Variants in PKHD1L1 observed in about 807,000 individuals in gnomAD.
PKHD1L1 encodes fibrocystin-L.
PKHD1L1 carries 434 observed loss-of-function variants against 462.9 expected under a neutral mutation model. That is an observed-to-expected ratio of 0.94 (90% CI 0.87 to 1.02). PKHD1L1 has a LOEUF of 1.02. PKHD1L1 is among the 50% of genes least tolerant of loss of function. The pLI, the probability that PKHD1L1 is intolerant of heterozygous loss-of-function variation, is 0.00. For synonymous variants in PKHD1L1, 1,781 were observed against 1,750.0 expected, an observed-to-expected ratio of 1.02 and a Z score of -0.44; for missense variants, 5,202 against 5,096.1, an observed-to-expected ratio of 1.02 and a Z score of -0.63.
At chr8:109,390,210 A>G (rs1482678537) in intron 8 of PKHD1L1, among the ~76,000 whole-genome samples, 1 of 152,158 alleles carries the variant, frequency 6.6e-6, no homozygotes, top group African/African-American at 2.4e-5. Context: ...TTCTTCATTC[A>G]TGATCATATT....
rs556103548 is a variant in PKHD1L1, at chr8:109,413,423, A to G, written c.2238A>G (p.Leu746=). Residue 746 remains leucine, a splice_region_variant and synonymous_variant, in exon 21 of 78, where the codon TTA becomes TTG. Coordinates refer to ENST00000378402, the MANE Select transcript of PKHD1L1 (RefSeq NM_177531.6). ...ATGTTTTTCATATTTTTATGTAGTT[A>G]TGTTTAGCATACAAAGGATTCCTGG... ...GDILLFPYNQ[L]CLAYKGFLAN... The G allele has an allele frequency of 3.3e-6, 5 of 1,515,880 alleles. No individual in the cohort carries two copies. Among genetic ancestry groups the G allele is most frequent in the Middle Eastern group, 1.8e-4 (1 of 5,606 alleles). 93.9% of individuals were successfully genotyped at this position (1,515,880 alleles called of 1,614,324 possible).
intron 2 of PKHD1L1, among the ~76,000 whole-genome samples, chr8:109,372,132 A>G (rs1437121054): frequency 2.6e-5 from 4 of 152,334 alleles, no homozygotes; most frequent in African/African-American, 9.6e-5. Context: ...CTTCCTACCC[A>G]TGAACATGGA....
rs915036006 is a variant in PKHD1L1, at chr8:109,532,451, CT to C, written c.*2370del. On this transcript the variant is annotated 3_prime_UTR_variant, in exon 78 of 78. Transcript: ENST00000378402. ...ATATGCTAAGCAAGTTTTATTTTTG[CT>C]TTTTTTTTGCATTTAAATAATATTT... Among the ~76,000 whole-genome samples, 108 of 150,846 alleles carry C rather than the reference CT, an allele frequency of 7.2e-4. No homozygotes were observed. Among genetic ancestry groups the C allele is most frequent in the African/African-American group, 1.1e-3 (46 of 41,132 alleles).
At chr8:109,461,614 C>A (rs1817128651) in intron 47 of PKHD1L1, among the ~76,000 whole-genome samples, 158 bp from the exon 48 acceptor site, 1 of 152,034 alleles carries the variant, frequency 6.6e-6, no homozygotes, top group Non-Finnish European at 1.5e-5. Flanking sequence ...ACCTATCTTG[C>A]TATCTAAAAG....
chr8:109,452,220 T>TA lies in PKHD1L1; in HGVS notation c.6448dup (p.Thr2150AsnfsTer22), dbSNP rs755151872. Reference sequence around the variant, plus strand: ...ACATCATCTGCATGACAGATGCCCATACTCTATCAGGGTGGGCTCCAGTTT... The same window carrying TA: ...ACATCATCTGCATGACAGATGCCCATAACTCTATCAGGGTGGGCTCCAGTTT... On this transcript the variant is annotated frameshift_variant, in exon 42 of 78. Coordinates refer to ENST00000378402, the MANE Select transcript of PKHD1L1 (RefSeq NM_177531.6). LOFTEE classifies it high-confidence loss of function. 1.3e-4 allele frequency: 202 copies of TA among 1,612,630 alleles called. No individual in the cohort carries two copies. The highest frequency in any genetic ancestry group is 1.7e-4 in the Non-Finnish European group (200 of 1,179,282).
chr8:109,368,451 C>T (rs7819141), intron 2 of PKHD1L1, among the ~76,000 whole-genome samples: 46,195 of 152,010 alleles, frequency 0.3, 7,656 homozygotes, highest in Admixed American at 0.44. Context: ...GTTGTGAATA[C>T]TGAAAAGGAT....
At chr8:109,523,504 T>C (rs1820664892) in intron 76 of PKHD1L1, 118 bp downstream of exon 76, 1 of 980,002 alleles carries the variant, frequency 1.0e-6, no homozygotes, top group Non-Finnish European at 1.4e-6. Context: ...GACATCAGAA[T>C]GCTATATTTT....
chr8:109,525,332 T>C (rs1175163599), intron 76 of PKHD1L1, among the ~76,000 whole-genome samples: 1 of 152,228 alleles, frequency 6.6e-6, no homozygotes. Flanking sequence ...AGAATATTAC[T>C]AACAGACACT....
At chr8:109,369,259 G>A (rs1407979092) in intron 2 of PKHD1L1, among the ~76,000 whole-genome samples, 7 of 152,144 alleles carry the variant, frequency 4.6e-5, no homozygotes, top group Non-Finnish European at 1.0e-4. Context: ...TTACAGGCGT[G>A]AGCCACCGCA....
chr8:109,530,095 C>T lies in PKHD1L1; in HGVS notation c.*5C>T. ...CATTTTTCAGGAAGCTACTAAAGTGCTGTTCCGAAGAATAGGCTGAAACAA... is the reference window on the plus strand; with the variant it reads ...CATTTTTCAGGAAGCTACTAAAGTGTTGTTCCGAAGAATAGGCTGAAACAA... On this transcript the variant is annotated 3_prime_UTR_variant, in exon 78 of 78. Coordinates refer to ENST00000378402, the MANE Select transcript of PKHD1L1 (RefSeq NM_177531.6). 7.3e-7 allele frequency: 1 copy of T among 1,361,600 alleles called. No homozygotes were observed. The highest frequency in any genetic ancestry group is 9.6e-7 in the Non-Finnish European group (1 of 1,038,868). 84.3% of individuals were successfully genotyped at this position (1,361,600 alleles called of 1,614,324 possible). A position where few individuals can be genotyped will look rare whatever the true frequency, so the allele number is the denominator to read the frequency against.
Position 109,435,283 on chromosome 8 carries a change from G to T in PKHD1L1, c.3434G>T (p.Gly1145Val), listed in dbSNP as rs142972518. Residue 1145 changes from glycine (G) to valine (V), a missense_variant, in exon 29 of 78, where the codon GGG becomes GTG. By Grantham distance (109) the Gly-to-Val change is moderately radical (BLOSUM62 -3). Around this residue, in one of 3 missense-constraint regions of PKHD1L1, gnomAD observed 4,497 missense variants for 4,336.8 expected, o/e 1.04. Transcript: ENST00000378402. ...MADVGLAQNVGGEEFYFVYQS... is the reference protein window; with the variant it reads ...MADVGLAQNVVGEEFYFVYQS... The stretch of plus-strand genomic sequence containing the variant: ...GATGTTGGACTAGCACAGAATGTAG[G>T]GGGTGAAGAGTTCTACTTTGTTTAT... 6.2e-7 allele frequency: 1 copy of T among 1,613,872 alleles called. No individual in the cohort carries two copies. The highest frequency in any genetic ancestry group is 1.3e-5 in the African/African-American group (1 of 75,012).
intron 9 of PKHD1L1, 102 bp from the exon 10 acceptor site, chr8:109,394,313 T>C (rs913948817): frequency 7.8e-6 from 5 of 643,160 alleles, no homozygotes; most frequent in Non-Finnish European, 1.3e-5. Context: ...AGTTCCATCG[T>C]GCTCTTTTGC....
chr8:109,384,574 T>A (rs538266751), intron 5 of PKHD1L1, among the ~76,000 whole-genome samples: 1 of 152,100 alleles, frequency 6.6e-6, no homozygotes, highest in African/African-American at 2.4e-5. Context: ...TGATTTTCAA[T>A]GGCTATATCT....
chr8:109,481,109 C>T (rs984045924), intron 55 of PKHD1L1, among the ~76,000 whole-genome samples: 9 of 151,698 alleles, frequency 5.9e-5, no homozygotes, highest in African/African-American at 9.7e-5. Context: ...TGGGTGTAAG[C>T]GTAAAGAGTA....
chr8:109,497,307 A>C (rs1358026042), intron 65 of PKHD1L1, 35 bp downstream of exon 65: 1 of 1,597,588 alleles, frequency 6.3e-7, no homozygotes, highest in Non-Finnish European at 8.5e-7. Flanking sequence ...ATGGAGAAAA[A>C]AATAACTTGG....
At chr8:109,422,931 T>C (rs369281845) in intron 23 of PKHD1L1, among the ~76,000 whole-genome samples, 1 of 152,164 alleles carries the variant, frequency 6.6e-6, no homozygotes, top group South Asian at 2.1e-4. Flanking sequence ...GTAACGATGG[T>C]TCATTTTCAT....
intron 10 of PKHD1L1, among the ~76,000 whole-genome samples, chr8:109,394,735 G>C (rs1443260522): frequency 6.6e-6 from 1 of 152,124 alleles, no homozygotes; most frequent in Non-Finnish European, 1.5e-5. Flanking sequence ...ACAGACAGCA[G>C]GGAAATTTGC....
At chr8:109,374,688 C>T (rs1447876088) in intron 2 of PKHD1L1, among the ~76,000 whole-genome samples, 1 of 152,096 alleles carries the variant, frequency 6.6e-6, no homozygotes, top group Non-Finnish European at 1.5e-5. Context: ...TCTTTTAGGG[C>T]AGGCCTGGTG....
intron 71 of PKHD1L1, among the ~76,000 whole-genome samples, chr8:109,513,821 T>C (rs1820127011): frequency 1.3e-5 from 2 of 152,118 alleles, no homozygotes; most frequent in Non-Finnish European, 2.9e-5. Context: ...TGCCCACTTC[T>C]CACCACCTCC....
Sources: allele counts gnomAD v4.1 joint callset (sites outside exome capture counted in the v4.1 genomes callset), GRCh38; gene constraint gnomAD v4.1.1; regional missense constraint gnomAD v4.1.1; transcripts MANE v1.5; gene names NCBI Gene and HGNC (gene_info 2026-07-23, HGNC 2026-07-21).